The following EXOC6 variants were observed in gnomAD, a reference collection of about 807,000 sequenced individuals.
The protein encoded by EXOC6 is exocyst complex component 6.
EXOC6 carries 60 observed loss-of-function variants against 112.5 expected under a neutral mutation model. The ratio of observed to expected loss-of-function variants is 0.53; its 90% CI spans 0.43 to 0.66. The LOEUF is 0.66. Among genes scored for constraint, EXOC6 ranks in the 30% least tolerant of loss-of-function variants. The pLI, the probability that EXOC6 is intolerant of heterozygous loss-of-function variation, is 0.00. For synonymous variants in EXOC6, 295 were observed against 308.0 expected (o/e 0.96, Z 0.44); for missense variants, 855 against 957.1 (o/e 0.89, Z 1.41).
rs117121702 is a variant in EXOC6, at chr10:92,883,091, C to T, written c.102-10258C>T. ...TTTCATAATTGGGGCCTATGTATGT[C>T]CTATTCTGAAAGAACTGTAACAATT... On this transcript the variant is annotated intron_variant, in intron 1 of 21. Coordinates refer to ENST00000260762, the MANE Select transcript of EXOC6 (RefSeq NM_019053.6). 8.5e-3 allele frequency among the ~76,000 whole-genome samples: 1,290 copies of T among 152,208 alleles called. 12 individuals carry two copies. Among genetic ancestry groups the T allele is most frequent in the Non-Finnish European group, 8.7e-3 (593 of 68,022 alleles).
At chr10:93,021,328 A>C (rs190972874) in intron 20 of EXOC6, among the ~76,000 whole-genome samples, 3 of 152,116 alleles carry the variant, frequency 2.0e-5, no homozygotes, top group Non-Finnish European at 2.9e-5. Flanking sequence ...ACAAAACAAA[A>C]CAAACCAAAC....
intron 14 of EXOC6, among the ~76,000 whole-genome samples, chr10:92,948,582 T>TACTACC (rs112194605): frequency 5.4e-5 from 8 of 148,134 alleles, no homozygotes; most frequent in African/African-American, 1.0e-4. Context: ...CCACTACTAC[T>TACTACC]ACTACTACTA....
intron 1 of EXOC6, among the ~76,000 whole-genome samples, chr10:92,859,912 T>C (rs1847825359): frequency 6.6e-6 from 1 of 151,780 alleles, no homozygotes; most frequent in Admixed American, 6.6e-5. Flanking sequence ...GTGCTTCTCA[T>C]CTGTAGACAA....
At chr10:92,838,029 G>C (rs1162097820) in intron 1 of EXOC6, among the ~76,000 whole-genome samples, 1 of 152,228 alleles carries the variant, frequency 6.6e-6, no homozygotes, top group Non-Finnish European at 1.5e-5. Context: ...TTTGAGGTCA[G>C]AGTTCATATC....
At chr10:92,841,081 G>A (rs189170138) in intron 1 of EXOC6, among the ~76,000 whole-genome samples, 379 of 152,180 alleles carry the variant, frequency 2.5e-3, no homozygotes, top group Admixed American at 4.7e-3. Context: ...AATCTACTTT[G>A]AGCAATTTTG....
In EXOC6 at chr10:92,952,376, A is replaced by G; in HGVS notation, c.1520A>G (p.His507Arg). 1 of 1,578,326 alleles carries G rather than the reference A, an allele frequency of 6.3e-7. No homozygotes were observed. Among genetic ancestry groups the G allele is most frequent in the South Asian group, 1.1e-5 (1 of 88,912 alleles). The change falls in exon 15 of 22, where the codon CAC (histidine) becomes CGC (arginine). Residue 507 changes from histidine (H) to arginine (R), a missense_variant. By Grantham distance (29) the His-to-Arg change is conservative (BLOSUM62 0). Coordinates refer to ENST00000260762, the MANE Select transcript of EXOC6 (RefSeq NM_019053.6). Reference sequence around the variant, plus strand: ...AGCCTTAAATTTTCAGAGTCACTACACCGGAGGTGAGTTTACTAATCACAA... The same window carrying G: ...AGCCTTAAATTTTCAGAGTCACTACGCCGGAGGTGAGTTTACTAATCACAA... ...YASLKFSESL[H>R]RSSTEIDDML... is the part of the protein sequence containing the mutation.
At chr10:92,951,383 A>G (rs1853404163) in intron 14 of EXOC6, among the ~76,000 whole-genome samples, 2 of 152,196 alleles carry the variant, frequency 1.3e-5, no homozygotes, top group Admixed American at 1.3e-4. Flanking sequence ...TAGAGTAGGT[A>G]GAGAAAAAGG....
At chr10:92,869,040 A>G (rs574012299) in intron 1 of EXOC6, among the ~76,000 whole-genome samples, 86 of 152,164 alleles carry the variant, frequency 5.7e-4, no homozygotes, top group African/African-American at 1.9e-3. Flanking sequence ...ACATTCATCA[A>G]TACCCACTTT....
intron 1 of EXOC6, among the ~76,000 whole-genome samples, chr10:92,855,197 C>A (rs1205470390): frequency 6.6e-6 from 1 of 152,090 alleles, no homozygotes; most frequent in Non-Finnish European, 1.5e-5. Context: ...GAATTATAGG[C>A]ATGAGCCACT....
chr10:92,928,740 G>T (rs958093231), intron 9 of EXOC6, among the ~76,000 whole-genome samples: 1 of 150,728 alleles, frequency 6.6e-6, no homozygotes, highest in Non-Finnish European at 1.5e-5. Flanking sequence ...TTGATTAATT[G>T]TCCCACTGAA....
intron 20 of EXOC6, among the ~76,000 whole-genome samples, chr10:93,040,546 C>T (rs1240294502): frequency 6.6e-6 from 1 of 152,228 alleles, no homozygotes; most frequent in Non-Finnish European, 1.5e-5. Context: ...TGCGCCCGGC[C>T]TGCTTTATCG....
At chr10:93,006,537 TC>T (rs376751968) in intron 19 of EXOC6, among the ~76,000 whole-genome samples, 1 of 152,178 alleles carries the variant, frequency 6.6e-6, no homozygotes, top group African/African-American at 2.4e-5. Context: ...GAGGTTTGCA[TC>T]CCACTGTTGC....
In EXOC6 at chr10:92,860,265, C is replaced by CTTT. The variant is rs35900396; in HGVS notation, c.101+11653_101+11655dup. Among the ~76,000 whole-genome samples the CTTT allele has an allele frequency of 4.9e-3, 427 of 87,998 alleles. 3 individuals carry two copies. The highest frequency in any genetic ancestry group is 0.016 in the East Asian group (44 of 2,734). The allele number at this position is 87,998 out of a possible 152,430, so 57.7% of individuals were successfully genotyped here. Reference sequence around the variant, plus strand: ...CCACCATTATCATCTATCTCCACAACTTTTTTTTTTTTTTTTTTTTTTTTG... The same window carrying CTTT: ...CCACCATTATCATCTATCTCCACAACTTTTTTTTTTTTTTTTTTTTTTTTTTTG... On this transcript the variant is annotated intron_variant, in intron 1 of 21. Transcript: ENST00000260762.
intron 18 of EXOC6, among the ~76,000 whole-genome samples, chr10:92,991,447 A>AC (rs1205365251): frequency 2.2e-4 from 33 of 151,928 alleles, no homozygotes; most frequent in African/African-American, 7.0e-4. Context: ...AAAAAAAAAA[A>AC]AAAAAACAAA....
intron 20 of EXOC6, among the ~76,000 whole-genome samples, chr10:93,044,993 C>T (rs1033077776): frequency 6.6e-6 from 1 of 152,056 alleles, no homozygotes; most frequent in Non-Finnish European, 1.5e-5. Flanking sequence ...CTGCCTCAGC[C>T]TCCTGAGTAG....
intron 8 of EXOC6, among the ~76,000 whole-genome samples, chr10:92,920,687 G>GAAA (rs1851382506): frequency 6.6e-6 from 1 of 152,018 alleles, no homozygotes; most frequent in Non-Finnish European, 1.5e-5. Context: ...TAGAAGTATT[G>GAAA]GAGTCTTCAA....
chr10:92,837,043 A>G (rs1846680289), intron 1 of EXOC6, among the ~76,000 whole-genome samples: 1 of 151,824 alleles, frequency 6.6e-6, no homozygotes, highest in African/African-American at 2.4e-5. Flanking sequence ...CTAAGATATA[A>G]GTAAGACACA....
At chr10:92,874,928 G>A (rs1481824359) in intron 1 of EXOC6, among the ~76,000 whole-genome samples, 2 of 152,158 alleles carry the variant, frequency 1.3e-5, no homozygotes, top group Non-Finnish European at 2.9e-5. Flanking sequence ...TAAAATTCCT[G>A]AGAGTGTATC....
At chr10:92,840,428 A>G (rs1846804368) in intron 1 of EXOC6, among the ~76,000 whole-genome samples, 1 of 152,194 alleles carries the variant, frequency 6.6e-6, no homozygotes, top group Non-Finnish European at 1.5e-5. Flanking sequence ...GGTGCTTAGC[A>G]TAATAGTTGG....
Sources: gnomAD v4.1 joint callset for allele counts (sites outside exome capture counted in the v4.1 genomes callset) on GRCh38, gnomAD v4.1.1 for gene constraint, MANE v1.5 for transcripts, NCBI Gene and HGNC (gene_info 2026-07-23, HGNC 2026-07-21) for gene names.